USP10: variants seen among roughly 807,000 people sequenced by gnomAD.
USP10 encodes ubiquitin specific peptidase 10.
Under a neutral mutation model 84.5 loss-of-function variants are expected in USP10, and 22 were observed. The observed-to-expected ratio is 0.26, with a 90% CI of 0.19 to 0.37. USP10 has a LOEUF of 0.37. Among genes scored for constraint, USP10 ranks in the 10% least tolerant of loss-of-function variants. The pLI is 1.00. For synonymous variants in USP10, 454 were observed against 387.6 expected (o/e 1.17, Z -2.01); for missense variants, 1,019 against 998.9 (o/e 1.02, Z -0.27).
intron 13 of USP10, among the ~76,000 whole-genome samples, chr16:84,776,683 GC>G (rs1471408727): frequency 6.6e-6 from 1 of 152,152 alleles, no homozygotes; most frequent in Non-Finnish European, 1.5e-5. Flanking sequence ...AGGGGCAGGG[GC>G]TAGGGATTGC....
intron 9 of USP10, among the ~76,000 whole-genome samples, chr16:84,763,543 A>G (rs73245656): frequency 1.8e-3 from 277 of 152,364 alleles, no homozygotes; most frequent in African/African-American, 6.4e-3. Flanking sequence ...CTGCGTAACC[A>G]CAGTCCCTTA....
At chr16:84,775,100 G>C in intron 12 of USP10, 60 bp from the exon 13 acceptor site, 1 of 1,472,244 alleles carries the variant, frequency 6.8e-7, no homozygotes, top group East Asian at 2.3e-5. Flanking sequence ...GCCATTTTCT[G>C]CTGCTGTTAC....
At chr16:84,708,075 C>G (rs3764284) in intron 1 of USP10, among the ~76,000 whole-genome samples, 1 of 151,938 alleles carries the variant, frequency 6.6e-6, no homozygotes, top group East Asian at 1.9e-4. Context: ...GAGACTCTTA[C>G]GTCAAAAAAG....
rs1376162262 is a variant in USP10 at position 84,734,286 on chromosome 16, C to G, written c.90+783C>G. Among the ~76,000 whole-genome samples the G allele has an allele frequency of 8.5e-5, 13 of 152,100 alleles. 1 individual carries two copies. In the East Asian group the frequency reaches 1.9e-3, roughly 23 times the overall value. On this transcript the variant is annotated intron_variant, in intron 2 of 13. Coordinates refer to ENST00000219473, the MANE Select transcript of USP10 (RefSeq NM_005153.3). The stretch of plus-strand genomic sequence containing the variant: ...TATTAAAAAAAAAATCTTGCTAACT[C>G]TTGGTGTTGGCATATTTAAAATTTT...
intron 1 of USP10, among the ~76,000 whole-genome samples, chr16:84,707,466 T>C (rs2150756008): frequency 6.6e-6 from 1 of 152,162 alleles, no homozygotes; most frequent in Non-Finnish European, 1.5e-5. Flanking sequence ...ATTCCCTTCC[T>C]CTCTGATCCT....
intron 8 of USP10, among the ~76,000 whole-genome samples, chr16:84,760,742 C>G (rs1266093535): frequency 6.6e-6 from 1 of 152,000 alleles, no homozygotes; most frequent in African/African-American, 2.4e-5. Context: ...TAATCACATA[C>G]TTTGTTACTA....
chr16:84,708,559 C>T (rs1905853450), intron 1 of USP10, among the ~76,000 whole-genome samples: 1 of 152,200 alleles, frequency 6.6e-6, no homozygotes. Flanking sequence ...ATTGGTAAGT[C>T]ACCTGCCCTA....
chr16:84,705,305 C>A (rs1002376773), intron 1 of USP10, among the ~76,000 whole-genome samples: 1 of 151,646 alleles, frequency 6.6e-6, no homozygotes, highest in Admixed American at 6.6e-5. Flanking sequence ...TATCTTGTCT[C>A]ACTGCAACTT....
chr16:84,703,719 G>T (rs954417209), intron 1 of USP10, among the ~76,000 whole-genome samples: 2 of 152,228 alleles, frequency 1.3e-5, no homozygotes, highest in Non-Finnish European at 2.9e-5. Context: ...TTGTGAGCCA[G>T]TGGTCACCTT....
At chr16:84,775,761 A>G (rs369576890) in intron 13 of USP10, among the ~76,000 whole-genome samples, 6 of 152,156 alleles carry the variant, frequency 3.9e-5, no homozygotes, top group African/African-American at 1.2e-4. Flanking sequence ...CTGTTCCCTC[A>G]TGGGTGGACC....
chr16:84,743,059 G>A (rs757979387), intron 3 of USP10, among the ~76,000 whole-genome samples: 1 of 152,170 alleles, frequency 6.6e-6, no homozygotes, highest in Non-Finnish European at 1.5e-5. Flanking sequence ...TCAATCTGGG[G>A]AGCCTTGACG....
chr16:84,738,618 G>A (rs1910232371), intron 2 of USP10, among the ~76,000 whole-genome samples: 1 of 152,176 alleles, frequency 6.6e-6, no homozygotes, highest in African/African-American at 2.4e-5. Context: ...CATACAGAAT[G>A]CTTTCTTCTG....
chr16:84,704,959 A>G (rs1319169670), intron 1 of USP10: 2 of 1,506,746 alleles, frequency 1.3e-6, no homozygotes, highest in African/African-American at 1.4e-5. Context: ...GAGAATGTGC[A>G]TGTGGAGTGC....
At chr16:84,709,537 A>G (rs951544671) in intron 1 of USP10, among the ~76,000 whole-genome samples, 1 of 152,032 alleles carries the variant, frequency 6.6e-6, no homozygotes, top group Non-Finnish European at 1.5e-5. Flanking sequence ...TTGGGATCAT[A>G]CTCTGCCCAG....
At chr16:84,729,004 G>T (rs753182394) in intron 1 of USP10, among the ~76,000 whole-genome samples, 8 of 151,912 alleles carry the variant, frequency 5.3e-5, no homozygotes, top group African/African-American at 9.7e-5. Context: ...CACCATTTTG[G>T]CTGGGCTGGT....
intron 1 of USP10, among the ~76,000 whole-genome samples, chr16:84,701,359 G>T (rs1298703464): frequency 2.0e-5 from 3 of 152,060 alleles, no homozygotes; most frequent in Non-Finnish European, 4.4e-5. Flanking sequence ...ATTTACTTTT[G>T]TAAGTAGTGT....
intron 2 of USP10, among the ~76,000 whole-genome samples, chr16:84,735,815 G>C (rs770549177): frequency 2.6e-5 from 4 of 152,074 alleles, no homozygotes; most frequent in African/African-American, 4.8e-5. Context: ...TATAAAAAGA[G>C]TTTATCAAAA....
intron 4 of USP10, among the ~76,000 whole-genome samples, chr16:84,758,391 C>T (rs1375493576): frequency 6.6e-6 from 1 of 152,162 alleles, no homozygotes; most frequent in African/African-American, 2.4e-5. Context: ...GGCTGTATCT[C>T]TCAAATCTAT....
chr16:84,769,035 A>G (rs1914154316), intron 11 of USP10, among the ~76,000 whole-genome samples: 2 of 152,224 alleles, frequency 1.3e-5, no homozygotes, highest in Non-Finnish European at 1.5e-5. Context: ...TGTACTCTGC[A>G]GCAGAGAGTG....
Sources: allele counts gnomAD v4.1 joint callset (sites outside exome capture counted in the v4.1 genomes callset), GRCh38; gene constraint gnomAD v4.1.1; transcripts MANE v1.5; gene names NCBI Gene and HGNC (gene_info 2026-07-23, HGNC 2026-07-21).